Variants in MAP4K4 observed in about 807,000 individuals in gnomAD.
MAP4K4 encodes the protein HPK/GCK-like kinase HGK.
A neutral mutation model predicts 189.6 loss-of-function variants in MAP4K4; 38 were observed. That is an observed-to-expected ratio of 0.20 (90% CI 0.15 to 0.26). MAP4K4 has a LOEUF of 0.26. MAP4K4 is among the 10% of genes least tolerant of loss of function. MAP4K4 has a pLI of 1.00. For missense variants in MAP4K4, 1,054 were observed against 1,726.9 expected, an observed-to-expected ratio of 0.61 and a Z score of 6.91; for synonymous variants, 610 against 624.3, an observed-to-expected ratio of 0.98 and a Z score of 0.34.
At chr2:101,747,455 C>G (rs1034088842) in intron 2 of MAP4K4, among the ~76,000 whole-genome samples, 1 of 152,096 alleles carries the variant, frequency 6.6e-6, no homozygotes, top group Non-Finnish European at 1.5e-5. Flanking sequence ...GTGTATATTT[C>G]TTTTAGGTTT....
At chr2:101,760,693 C>CT (rs1242587719) in intron 2 of MAP4K4, among the ~76,000 whole-genome samples, 2 of 151,970 alleles carry the variant, frequency 1.3e-5, no homozygotes, top group East Asian at 3.9e-4. Context: ...GTAAAATACT[C>CT]TCTGTTAGAA....
chr2:101,794,341 G>A (rs1263036762), intron 3 of MAP4K4, among the ~76,000 whole-genome samples: 53 of 152,150 alleles, frequency 3.5e-4, no homozygotes, highest in Non-Finnish European at 2.2e-4. Flanking sequence ...CAAGGCAAAT[G>A]ATTGCTTTTA....
At chr2:101,760,542 G>C (rs1351015661) in intron 2 of MAP4K4, among the ~76,000 whole-genome samples, 1 of 148,924 alleles carries the variant, frequency 6.7e-6, no homozygotes, top group African/African-American at 2.5e-5. Flanking sequence ...GTGTGTGTGT[G>C]TGTGTGTGTG....
intron 3 of MAP4K4, among the ~76,000 whole-genome samples, chr2:101,810,296 G>T (rs1021212342): frequency 1.3e-5 from 2 of 150,466 alleles, no homozygotes; most frequent in Admixed American, 6.6e-5. Context: ...TACCCCTGTG[G>T]GTTTTTTTTA....
intron 5 of MAP4K4, among the ~76,000 whole-genome samples, chr2:101,826,804 T>C (rs2096379989): frequency 6.6e-6 from 1 of 152,200 alleles, no homozygotes; most frequent in African/African-American, 2.4e-5. Context: ...GAGAATTCAA[T>C]GAGTTAGTGT....
intron 6 of MAP4K4, 81 bp downstream of exon 6, chr2:101,829,675 C>G (rs975600651): frequency 3.2e-6 from 3 of 943,264 alleles, no homozygotes; most frequent in Non-Finnish European, 5.0e-6. Context: ...TTCCATCTAG[C>G]TAAAAGTTCA....
chr2:101,770,512 G>A (rs932911774), intron 2 of MAP4K4, among the ~76,000 whole-genome samples: 4 of 152,078 alleles, frequency 2.6e-5, no homozygotes, highest in Non-Finnish European at 5.9e-5. Flanking sequence ...CCTGACCTCA[G>A]GTGATCCACC....
chr2:101,740,162 T>TGCTGTATTGTGCCTCTAA lies in MAP4K4; in HGVS notation c.123+41624_123+41625insGCTGTATTGTGCCTCTAA, dbSNP rs1352640721. Among the ~76,000 whole-genome samples the TGCTGTATTGTGCCTCTAA allele has an allele frequency of 6.4e-4, 63 of 98,204 alleles. 6 individuals are homozygous for TGCTGTATTGTGCCTCTAA. Among genetic ancestry groups the TGCTGTATTGTGCCTCTAA allele is most frequent in the African/African-American group, 4.7e-3 (29 of 6,146 alleles). 64.4% of individuals were successfully genotyped at this position (98,204 alleles called of 152,430 possible). ...TTGCTTTATATCATCTTTTTTTTTT[T>TGCTGTATTGTGCCTCTAA]TTTTTTTTTGAGACGGAGTCTCGCT... is the stretch of plus-strand genomic sequence containing the variant. On this transcript the variant is annotated intron_variant, in intron 2 of 32. Coordinates refer to ENST00000324219, the Ensembl canonical transcript of MAP4K4.
At chr2:101,893,887 A>C (rs2098598454) in exon 33 of MAP4K4, 1 of 151,816 alleles carries the variant, frequency 6.6e-6, no homozygotes, top group Non-Finnish European at 1.5e-5. Context: ...ACTGAATTGA[A>C]TCCATTGTTG....
intron 2 of MAP4K4, among the ~76,000 whole-genome samples, chr2:101,709,849 T>C (rs2044424497): frequency 6.6e-6 from 1 of 152,226 alleles, no homozygotes; most frequent in South Asian, 2.1e-4. Flanking sequence ...TTTCAGAGTA[T>C]TTTTCTTATA....
At chr2:101,786,976 G>A (rs1558921719) in intron 2 of MAP4K4, among the ~76,000 whole-genome samples, 1 of 152,102 alleles carries the variant, frequency 6.6e-6, no homozygotes, top group Non-Finnish European at 1.5e-5. Flanking sequence ...TTTATCCCTG[G>A]ATGAGATACT....
chr2:101,709,400 G>A (rs561591861), intron 2 of MAP4K4, among the ~76,000 whole-genome samples: 10 of 152,078 alleles, frequency 6.6e-5, no homozygotes, highest in African/African-American at 9.7e-5. Flanking sequence ...ATGGGGTTTC[G>A]CCCTGTTGGC....
At chr2:101,873,406 T>C (rs141205362) in intron 24 of MAP4K4, among the ~76,000 whole-genome samples, 7 of 151,926 alleles carry the variant, frequency 4.6e-5, no homozygotes, top group African/African-American at 1.7e-4. Context: ...AGCACTGCTT[T>C]GTAAGTGAGC....
intron 12 of MAP4K4, among the ~76,000 whole-genome samples, chr2:101,848,285 C>T (rs2097172920): frequency 1.3e-5 from 2 of 152,166 alleles, no homozygotes; most frequent in African/African-American, 4.8e-5. Flanking sequence ...CCAAAAAAGT[C>T]TGTACAGATG....
chr2:101,758,636 G>A (rs2074167800), intron 2 of MAP4K4, among the ~76,000 whole-genome samples: 1 of 152,110 alleles, frequency 6.6e-6, no homozygotes, highest in Non-Finnish European at 1.5e-5. Flanking sequence ...TCCCAGCTGT[G>A]TCCTTTGATA....
chr2:101,806,073 C>A lies in MAP4K4; in HGVS notation c.180+15297C>A, dbSNP rs143085320. On this transcript the variant is annotated intron_variant, in intron 3 of 32. Coordinates refer to ENST00000324219, the Ensembl canonical transcript of MAP4K4. ...CCCACCCCACCCACCATACCCTGCT[C>A]CTGTCCCTACTTTGTCTCTTACAGA... is the stretch of plus-strand genomic sequence containing the variant. Among the ~76,000 whole-genome samples the A allele has an allele frequency of 4.7e-3, 718 of 152,264 alleles. 6 individuals carry two copies. The highest frequency in any genetic ancestry group is 7.2e-3 in the Non-Finnish European group (490 of 68,022).
Position 101,842,585 on chromosome 2 carries a change from TTTATC to T in MAP4K4, c.950-21_950-17del. On this transcript the variant is annotated intron_variant, in intron 10 of 32. Coordinates refer to ENST00000324219, the Ensembl canonical transcript of MAP4K4. ...GTGTCAGGACTTGTGAACTGTCCCATTTATCTTGTCCTTTTCTTCATAGATGAAAC... is the reference window on the plus strand; with the variant it reads ...GTGTCAGGACTTGTGAACTGTCCCATTTGTCCTTTTCTTCATAGATGAAAC... 6.4e-7 allele frequency: 1 copy of T among 1,560,622 alleles called. No homozygotes were observed.
chr2:101,718,271 A>G (rs1340867379), intron 2 of MAP4K4, among the ~76,000 whole-genome samples: 1 of 151,788 alleles, frequency 6.6e-6, no homozygotes, highest in South Asian at 2.1e-4. Context: ...AAAAAAAAAA[A>G]AGCTATCTTG....
chr2:101,839,737 A>G (rs1355933610), intron 9 of MAP4K4, 82 bp from the exon 10 acceptor site: 3 of 1,041,674 alleles, frequency 2.9e-6, no homozygotes, highest in East Asian at 5.2e-5. Flanking sequence ...GCTCTTCTTT[A>G]TGTTGAGGCT....
Sources: allele counts gnomAD v4.1 joint callset (sites outside exome capture counted in the v4.1 genomes callset), GRCh38; gene constraint gnomAD v4.1.1; transcripts MANE v1.5; gene names NCBI Gene and HGNC (gene_info 2026-07-23, HGNC 2026-07-21).